LILRB5: variants seen among roughly 807,000 people sequenced by gnomAD.
The protein encoded by LILRB5 is leukocyte immunoglobulin like receptor B5.
Under a neutral mutation model 68.4 loss-of-function variants are expected in LILRB5, and 61 were observed. That is an observed-to-expected ratio of 0.89 (90% CI 0.73 to 1.10). The LOEUF (loss-of-function observed/expected upper bound fraction) is 1.10. Ranked by LOEUF, LILRB5 falls within the 50% of genes least tolerant of loss-of-function variation. The pLI is 0.00. For synonymous variants in LILRB5, 356 were observed against 315.8 expected, an observed-to-expected ratio of 1.13 and a Z score of -1.35; for missense variants, 771 against 751.6, an observed-to-expected ratio of 1.03 and a Z score of -0.30.
intron 11 of LILRB5, 104 bp from the exon 12 acceptor site, chr19:54,252,210 G>C: frequency 2.7e-6 from 4 of 1,471,692 alleles, no homozygotes; most frequent in Non-Finnish European, 3.8e-6. Flanking sequence ...GAGATCCAGG[G>C]AGGGACTGTG....
chr19:54,251,596 C>T (rs1206904725), intron 12 of LILRB5: 2 of 575,080 alleles, frequency 3.5e-6, no homozygotes, highest in East Asian at 7.9e-5. Context: ...GCACGTTGCA[C>T]TCCTGGACAC....
In LILRB5 at chr19:54,255,429, T is replaced by A; in HGVS notation, c.809A>T (p.Gln270Leu). Residue 270 changes from glutamine (Q) to leucine (L), a missense_variant, in exon 5 of 13, where the codon CAG becomes CTG. By Grantham distance (113) the Gln-to-Leu change is moderately radical. Coordinates refer to ENST00000449561, the MANE Select transcript of LILRB5 (RefSeq NM_001081442.3). ...GGCCTGGGAGAGCCCAGCCTGGGGCTGCTGGCCAGAGCCCTGGACGAGGTC... is the reference window on the plus strand; with the variant it reads ...GGCCTGGGAGAGCCCAGCCTGGGGCAGCTGGCCAGAGCCCTGGACGAGGTC... Reference protein sequence around the residue: ...EHDLVQGSGQQPQAGLSQANF... With the variant: ...EHDLVQGSGQLPQAGLSQANF... The A allele has an allele frequency of 6.2e-7, 1 of 1,614,122 alleles. No homozygotes were observed. The highest frequency in any genetic ancestry group is 8.5e-7 in the Non-Finnish European group (1 of 1,180,010).
At chr19:54,253,841 T>A in intron 8 of LILRB5, 177 bp downstream of exon 8, 15 of 1,492,270 alleles carry the variant, frequency 1.0e-5, no homozygotes, top group Non-Finnish European at 1.3e-5. Flanking sequence ...GACAGGACAG[T>A]CCCCTGAAGA....
rs201004751 is a variant in LILRB5, at chr19:54,252,904, G to C, written c.1441C>G (p.Arg481Gly). 1 of 1,593,726 alleles carries C rather than the reference G, an allele frequency of 6.3e-7. No individual in the cohort carries two copies. The highest frequency in any genetic ancestry group is 8.6e-7 in the Non-Finnish European group (1 of 1,167,326). The change falls in exon 9 of 13, where the codon CGA becomes GGA. Residue 481 changes from arginine (R) to glycine (G), a missense_variant. By Grantham distance (125) the Arg-to-Gly change is moderately radical. Coordinates refer to ENST00000449561, the MANE Select transcript of LILRB5 (RefSeq NM_001081442.3). Reference protein sequence around the residue: ...LLFLLLFLLLRHRHQSKHRTS... With the variant: ...LLFLLLFLLLGHRHQSKHRTS... ...CTGTGTTTGCTCTGATGCCGATGTC[G>C]GAGGAGGAGGAAGAGGAGGAGGAAC...
chr19:54,254,208 G>T, intron 7 of LILRB5, 140 bp from the exon 8 acceptor site: 1 of 1,472,004 alleles, frequency 6.8e-7, no homozygotes, highest in South Asian at 1.3e-5. Flanking sequence ...CAGCCTCAGA[G>T]CCCCGGGGAG....
intron 12 of LILRB5, chr19:54,251,775 G>A (rs561660849): frequency 7.4e-6 from 5 of 672,254 alleles, no homozygotes; most frequent in African/African-American, 7.1e-5. Flanking sequence ...GACCGGGTCG[G>A]TTCATTTATT....
At position 54,256,057 on chromosome 19, in the gene LILRB5, T is replaced by G. The variant is rs1156501278; in HGVS notation, c.641A>C (p.Glu214Ala). Residue 214 changes from glutamate (E) to alanine (A), a missense_variant, in exon 4 of 13, where the codon GAG becomes GCG. Physicochemically the swap from Glu to Ala is moderately radical, Grantham distance 107 (BLOSUM62 -1). Coordinates refer to ENST00000449561, the MANE Select transcript of LILRB5 (RefSeq NM_001081442.3). ...GGCTTTTTCACCTGGGACCAGAATCTCCAGGAGGTCACTGGGGTTCGACCA... is the reference window on the plus strand; with the variant it reads ...GGCTTTTTCACCTGGGACCAGAATCGCCAGGAGGTCACTGGGGTTCGACCA... The part of the protein sequence containing the change: ...QVWSNPSDLL[E>A]ILVPGVSRKP... 6.5e-7 allele frequency: 1 copy of G among 1,545,132 alleles called. No individual in the cohort carries two copies. The highest frequency in any genetic ancestry group is 1.4e-5 in the African/African-American group (1 of 72,154).
Position 54,250,655 on chromosome 19 carries a change from G to A in LILRB5, c.*131C>T, listed in dbSNP as rs996275985. On this transcript the variant is annotated 3_prime_UTR_variant, in exon 13 of 13. Transcript: ENST00000449561. ...ATCTAGTGAGTCCCAGAGTTCCCAGGATGTCCTGGTGGTCTTTGTTAGGGG... is the reference window on the plus strand; with the variant it reads ...ATCTAGTGAGTCCCAGAGTTCCCAGAATGTCCTGGTGGTCTTTGTTAGGGG... 2 of 1,145,548 alleles carry A rather than the reference G, an allele frequency of 1.7e-6. No homozygotes were observed. Among genetic ancestry groups the A allele is most frequent in the Non-Finnish European group, 2.5e-6 (2 of 803,094 alleles). 71.0% of individuals were successfully genotyped at this position (1,145,548 alleles called of 1,614,324 possible).
Position 54,254,440 on chromosome 19 carries a change from C to T in LILRB5, c.1256-25G>A, listed in dbSNP as rs780509340. 197 of 1,567,642 alleles carry T rather than the reference C, an allele frequency of 1.3e-4. 2 individuals are homozygous for T. The highest frequency in any genetic ancestry group is 1.6e-4 in the Non-Finnish European group (184 of 1,157,108). On this transcript the variant is annotated intron_variant, in intron 6 of 12. Coordinates refer to ENST00000449561, the MANE Select transcript of LILRB5 (RefSeq NM_001081442.3). ...CCTGGGAATAAGCACAGAAAGGGAG[C>T]GAGGCGCTTTGGTGCTGAGTGAGGA...
chr19:54,257,078 GA>G, intron 1 of LILRB5, 81 bp downstream of exon 1: 1 of 1,613,786 alleles, frequency 6.2e-7, no homozygotes, highest in Non-Finnish European at 8.5e-7. Context: ...TGATAGACCA[GA>G]TTCTCTGATA....
intron 4 of LILRB5, 24 bp downstream of exon 4, chr19:54,256,018 TA>T: frequency 6.6e-7 from 1 of 1,513,600 alleles, no homozygotes; most frequent in Non-Finnish European, 8.8e-7. Context: ...CAAAATTATA[TA>T]AAGAAGTGTG....
chr19:54,251,807 G>A, intron 12 of LILRB5: 1 of 706,244 alleles, frequency 1.4e-6, no homozygotes, highest in East Asian at 2.7e-5. Context: ...TGAGGCCTGG[G>A]GAGAGCTCTA....
At chr19:54,253,803 C>T (rs1047495808) in intron 8 of LILRB5, 41 of 1,461,528 alleles carry the variant, frequency 2.8e-5, no homozygotes, top group Non-Finnish European at 3.7e-5. Flanking sequence ...CCTCCCCTGC[C>T]CCAGGTCACC....
Position 54,256,243 on chromosome 19 carries a change from G to T in LILRB5, c.455C>A (p.Thr152Lys). 6.2e-7 allele frequency: 1 copy of T among 1,614,014 alleles called. No individual in the cohort carries two copies. Among genetic ancestry groups the T allele is most frequent in the South Asian group, 1.1e-5 (1 of 91,076 alleles). The change falls in exon 4 of 13, where the codon ACG becomes AAG. Residue 152 changes from threonine to lysine, a missense_variant. By Grantham distance (78) the Thr-to-Lys change is moderately conservative. Coordinates refer to ENST00000449561, the MANE Select transcript of LILRB5 (RefSeq NM_001081442.3). ...LQCDTLDGLL[T>K]FVLVEEEQKL... ...CTGTTCTTCCTCAACAAGAACAAAC[G>T]TGAGAAGTCCGTCCAGTGTATCACA... is the stretch of plus-strand genomic sequence containing the variant.
Position 54,256,577 on chromosome 19 carries a change from C to T in LILRB5, c.267G>A (p.Val89=), listed in dbSNP as rs1279488337. The T allele has an allele frequency of 2.5e-6, 4 of 1,614,200 alleles. No homozygotes were observed. The South Asian group carries it at 4.4e-5, about 18-fold the overall frequency. Residue 89 remains valine (V), a synonymous_variant, in exon 3 of 13, where the codon GTG becomes GTA. Transcript: ENST00000449561. ...AKAKFHIPST[V]YDSAGRYRCY... ...AGCGGTATCGCCCTGCACTGTCATA[C>T]ACCGTGGATGGAATGTGGAACTTGG...
chr19:54,257,126 A>T (rs2079174628), intron 1 of LILRB5, 34 bp downstream of exon 1: 1 of 1,613,954 alleles, frequency 6.2e-7, no homozygotes, highest in Non-Finnish European at 8.5e-7. Flanking sequence ...TCCCTCCAAG[A>T]CGGGGACCTT....
rs1236219166 is a variant in LILRB5 at position 54,257,182 on chromosome 19, G to T, written c.12C>A (p.Thr4=). 6.2e-7 allele frequency: 1 copy of T among 1,614,092 alleles called. No homozygotes were observed. Among genetic ancestry groups the T allele is most frequent in the African/African-American group, 1.3e-5 (1 of 74,950 alleles). Residue 4 remains threonine (T), a synonymous_variant, in exon 1 of 13, where the codon ACC becomes ACA. Transcript: ENST00000449561. MTL[T]LSVLICLGLS... Reference sequence around the variant, plus strand: ...CACCGAGGCAAATCAGGACTGAGAGGGTGAGGGTCATGGCGTCAGCTCCCA... The same window carrying T: ...CACCGAGGCAAATCAGGACTGAGAGTGTGAGGGTCATGGCGTCAGCTCCCA...
At position 54,252,064 on chromosome 19, in the gene LILRB5, A is replaced by G. The variant is rs371759073; in HGVS notation, c.1619T>C (p.Met540Thr). 1.7e-5 allele frequency: 27 copies of G among 1,613,930 alleles called. No homozygotes were observed. In the African/African-American group the frequency reaches 2.1e-4, roughly 13 times the overall value. The change falls in exon 12 of 13, where the codon ATG (methionine) becomes ACG (threonine). Residue 540 changes from methionine (M) to threonine (T), a missense_variant. Met to Thr is a moderately conservative substitution (Grantham distance 81, BLOSUM62 -1). Transcript: ENST00000449561. ...KDTQPKDGVE[M>T]DAPAAASEAP... ...GGGGCGGGGCCTCACCGGAGCATCC[A>G]TCTCCACCCCGTCCTTGGGCTGTGT... is the stretch of plus-strand genomic sequence containing the variant.
Position 54,255,576 on chromosome 19 carries a change from G to C in LILRB5, c.662C>G (p.Ser221Cys), listed in dbSNP as rs1176677024. 6 of 1,612,906 alleles carry C rather than the reference G, an allele frequency of 3.7e-6. No homozygotes were observed. In the East Asian group the frequency reaches 1.3e-4, roughly 36 times the overall value. The change falls in exon 5 of 13, where the codon TCT becomes TGT. Residue 221 changes from serine (S) to cysteine (C), a missense_variant. Physicochemically the swap from Ser to Cys is moderately radical, Grantham distance 112. Transcript: ENST00000449561. ...DLLEILVPGV[S>C]RKPSLLIPQG... ...CGGGATCAGGAGGGAGGGCTTCCTA[G>C]ACACGCCTGGAGGGAAAGAGGAATT...
Sources: gnomAD v4.1 joint callset for allele counts on GRCh38, gnomAD v4.1.1 for gene constraint, MANE v1.5 for transcripts, NCBI Gene and HGNC (gene_info 2026-07-23, HGNC 2026-07-21) for gene names.